HEATR5B: variants seen among roughly 807,000 people sequenced by gnomAD.
HEATR5B encodes the protein HEAT repeat-containing protein 5B.
A neutral mutation model predicts 224.1 loss-of-function variants in HEATR5B; 156 were observed. That is an observed-to-expected ratio of 0.70 (90% CI 0.61 to 0.80). HEATR5B has a LOEUF of 0.80. Among genes scored for constraint, HEATR5B ranks in the 30% least tolerant of loss-of-function variants. HEATR5B has a pLI of 0.00. For missense variants in HEATR5B, 2,323 were observed against 2,535.5 expected, an observed-to-expected ratio of 0.92 and a Z score of 1.80; for synonymous variants, 1,027 against 893.0, an observed-to-expected ratio of 1.15 and a Z score of -2.68.
intron 2 of HEATR5B, among the ~76,000 whole-genome samples, chr2:37,082,184 C>T (rs1472248662): frequency 6.7e-6 from 1 of 148,546 alleles, no homozygotes; most frequent in East Asian, 2.1e-4. Context: ...ATTCTCCTGC[C>T]TCAGCCTCCC....
At chr2:37,018,692 T>C (rs910407027) in intron 26 of HEATR5B, among the ~76,000 whole-genome samples, 2 of 152,138 alleles carry the variant, frequency 1.3e-5, no homozygotes, top group African/African-American at 4.8e-5. Flanking sequence ...TAAGCAAAAA[T>C]GATGGACCAC....
chr2:36,998,075 T>A (rs1666847582), intron 33 of HEATR5B, among the ~76,000 whole-genome samples: 1 of 152,222 alleles, frequency 6.6e-6, no homozygotes, highest in Non-Finnish European at 1.5e-5. Flanking sequence ...GAATGTCTGT[T>A]TCAAAGCAAT....
intron 35 of HEATR5B, among the ~76,000 whole-genome samples, chr2:36,983,340 C>T (rs1325671762): frequency 6.9e-6 from 1 of 145,300 alleles, no homozygotes; most frequent in East Asian, 2.0e-4. Flanking sequence ...CCAGCCTAAC[C>T]AACATGGAGA....
chr2:37,006,555 C>T (rs567798375), intron 29 of HEATR5B, among the ~76,000 whole-genome samples: 1 of 152,178 alleles, frequency 6.6e-6, no homozygotes, highest in Admixed American at 6.5e-5. Flanking sequence ...GCAGGAGAAT[C>T]GCTTGAACCC....
At chr2:37,011,001 G>C (rs538158057) in intron 27 of HEATR5B, among the ~76,000 whole-genome samples, 1 of 151,966 alleles carries the variant, frequency 6.6e-6, no homozygotes, top group African/African-American at 2.4e-5. Context: ...GTGCTTAAGA[G>C]AAGAAACTTT....
At chr2:37,042,084 A>G (rs1198696626) in intron 18 of HEATR5B, among the ~76,000 whole-genome samples, 1 of 151,266 alleles carries the variant, frequency 6.6e-6, no homozygotes, top group Admixed American at 6.6e-5. Flanking sequence ...ACATAAAAAG[A>G]GATGAACATT....
At position 37,037,933 on chromosome 2, in the gene HEATR5B, A is replaced by C. The variant is rs1669605065; in HGVS notation, c.3138T>G (p.Ala1046=). 6.2e-7 allele frequency: 1 copy of C among 1,601,572 alleles called. No individual in the cohort carries two copies. Among genetic ancestry groups the C allele is most frequent in the Non-Finnish European group, 8.5e-7 (1 of 1,172,146 alleles). ...QDHSDSLVQA[A]AISCLQQLHM... ...GAAGCTGCTGAAGGCAAGATATGGC[A>C]GCTGCCTGAACAAGAGAATCTGAAT... The change falls in exon 21 of 36, where the codon GCT becomes GCG. Residue 1046 remains alanine, a synonymous_variant. Transcript: ENST00000233099.
intron 24 of HEATR5B, 75 bp downstream of exon 24, chr2:37,027,848 T>G (rs1668876601): frequency 6.8e-7 from 1 of 1,460,450 alleles, no homozygotes; most frequent in African/African-American, 1.4e-5. Context: ...TCTGTCGCAG[T>G]AAAATATCTC....
chr2:37,002,255 T>C, intron 32 of HEATR5B, 51 bp downstream of exon 32: 2 of 1,589,230 alleles, frequency 1.3e-6, no homozygotes, highest in East Asian at 2.2e-5. Flanking sequence ...GGCAAGCTCA[T>C]CTTTGTCTAC....
At chr2:36,985,624 T>A (rs1460254559) in intron 35 of HEATR5B, among the ~76,000 whole-genome samples, 1 of 39,688 alleles carries the variant, frequency 2.5e-5, no homozygotes. Context: ...CTCCTGGCTT[T>A]TTTTTTTTTT....
At chr2:37,053,635 T>C (rs1451177670) in intron 16 of HEATR5B, 28 bp from the exon 17 acceptor site, 3 of 1,414,126 alleles carry the variant, frequency 2.1e-6, no homozygotes, top group Non-Finnish European at 3.0e-6. Flanking sequence ...AAAAATCACA[T>C]TAGTGACAAA....
At chr2:37,048,007 TG>T (rs1670307650) in intron 18 of HEATR5B, among the ~76,000 whole-genome samples, 1 of 151,930 alleles carries the variant, frequency 6.6e-6, no homozygotes. Context: ...TGTGAAAAAA[TG>T]GGTAACAAAA....
chr2:37,064,414 G>A (rs1671464935), intron 10 of HEATR5B, among the ~76,000 whole-genome samples: 1 of 150,972 alleles, frequency 6.6e-6, no homozygotes, highest in Non-Finnish European at 1.5e-5. Flanking sequence ...ATCCTCCCCA[G>A]TAGCTAGGAC....
chr2:37,075,029 A>T (rs1672139477), intron 5 of HEATR5B, among the ~76,000 whole-genome samples: 1 of 152,260 alleles, frequency 6.6e-6, no homozygotes. Context: ...GTTAAACTAA[A>T]TCTGCCCTAT....
intron 18 of HEATR5B, 75 bp downstream of exon 18, chr2:37,049,576 CAT>C (rs1670409289): frequency 1.4e-5 from 18 of 1,296,286 alleles, no homozygotes; most frequent in Non-Finnish European, 1.6e-5. Context: ...ATGTGGAAAA[CAT>C]AAACTCCAGT....
In HEATR5B at chr2:37,037,985, A is replaced by G. The variant is rs1229871308; in HGVS notation, c.3086T>C (p.Leu1029Ser). ...ATTSTIRSSC[L>S]VGCAITQDHS... ...GTCTTGTGTTATTGCACAACCCACC[A>G]AACAAGAGGAACGAATTGTAGAAGT... Residue 1029 changes from leucine (L) to serine (S), a missense_variant, in exon 21 of 36, where the codon TTG (leucine) becomes TCG (serine). Leu to Ser is a moderately radical substitution (Grantham distance 145, BLOSUM62 -2). Around this residue, in one of 12 missense-constraint regions of HEATR5B, gnomAD observed 88 missense variants for 86.8 expected, o/e 1.01. Transcript: ENST00000233099. 1.3e-6 allele frequency: 2 copies of G among 1,583,986 alleles called. No individual in the cohort carries two copies. The highest frequency in any genetic ancestry group is 8.6e-7 in the Non-Finnish European group (1 of 1,162,326).
chr2:36,988,802 G>T lies in HEATR5B; in HGVS notation c.5755C>A (p.Leu1919Ile), dbSNP rs1014319608. Residue 1919 changes from leucine (L) to isoleucine (I), a missense_variant, in exon 35 of 36, where the codon CTT becomes ATT. Coordinates refer to ENST00000233099, the MANE Select transcript of HEATR5B (RefSeq NM_019024.3). ...LSVFQHSNRA[L>I]STPYIHSLAP... ...AATGAATGAATATAAGGAGTTGAAAGGGCACGATTGGAATGCTGGAAGACT... is the reference window on the plus strand; with the variant it reads ...AATGAATGAATATAAGGAGTTGAAATGGCACGATTGGAATGCTGGAAGACT... 5 of 1,613,974 alleles carry T rather than the reference G, an allele frequency of 3.1e-6. No individual in the cohort carries two copies. In the African/African-American group the frequency reaches 6.7e-5, roughly 22 times the overall value.
intron 26 of HEATR5B, among the ~76,000 whole-genome samples, chr2:37,018,360 T>C (rs10495868): frequency 0.1 from 15,936 of 152,234 alleles, 1,239 homozygotes; most frequent in African/African-American, 0.21. Flanking sequence ...CATGATACAC[T>C]TATTTACATA....
chr2:37,040,557 A>G lies in HEATR5B; in HGVS notation c.2857-39T>C, dbSNP rs775535782. On this transcript the variant is annotated intron_variant, in intron 19 of 35. Transcript: ENST00000233099. ...TAATTTCATTTTAGTTGTAAGGAAG[A>G]ATTCGAATGTACTGAATTGAGTATA... is the stretch of plus-strand genomic sequence containing the variant. 3 of 1,456,024 alleles carry G rather than the reference A, an allele frequency of 2.1e-6. No individual in the cohort carries two copies. The Admixed American group carries it at 5.7e-5, about 28-fold the overall frequency. 90.2% of individuals were successfully genotyped at this position (1,456,024 alleles called of 1,614,324 possible).
Sources: allele counts gnomAD v4.1 joint callset (sites outside exome capture counted in the v4.1 genomes callset), GRCh38; gene constraint gnomAD v4.1.1; regional missense constraint gnomAD v4.1.1; transcripts MANE v1.5; gene names NCBI Gene and HGNC (gene_info 2026-07-23, HGNC 2026-07-21).